RABEP1: variants seen among roughly 807,000 people sequenced by gnomAD.
The protein encoded by RABEP1 is rab GTPase-binding effector protein 1.
Under a neutral mutation model 123.4 loss-of-function variants are expected in RABEP1, and 51 were observed. The observed-to-expected ratio is 0.41, with a 90% CI of 0.33 to 0.52. RABEP1 has a LOEUF of 0.52. Ranked by LOEUF, RABEP1 falls within the 20% of genes least tolerant of loss-of-function variation. RABEP1 has a pLI of 0.16. For missense variants in RABEP1, 888 were observed against 996.3 expected, an observed-to-expected ratio of 0.89 and a Z score of 1.46; for synonymous variants, 347 against 355.2, an observed-to-expected ratio of 0.98 and a Z score of 0.26.
chr17:5,359,082 T>C (rs934417991), intron 8 of RABEP1, among the ~76,000 whole-genome samples: 2 of 151,260 alleles, frequency 1.3e-5, no homozygotes, highest in African/African-American at 4.9e-5. Context: ...TGTTTTCTTT[T>C]TTTTTTTTTG....
intron 1 of RABEP1, among the ~76,000 whole-genome samples, chr17:5,285,357 C>T (rs72634017): frequency 0.12 from 18,589 of 149,724 alleles, 1,867 homozygotes; most frequent in East Asian, 0.49. Flanking sequence ...TGGTCTTGAA[C>T]CCCTGGGCTC....
At chr17:5,323,772 A>ATCTAGGAATATATATATATT (rs1567522097) in intron 2 of RABEP1, among the ~76,000 whole-genome samples, 21 of 97,268 alleles carry the variant, frequency 2.2e-4, no homozygotes, top group Middle Eastern at 5.2e-3. Context: ...ATATATATAT[A>ATCTAGGAATATATATATATT]TCTAGGAATA....
rs2074931938 is a variant in RABEP1 at position 5,282,340 on chromosome 17, C to T, written c.-147C>T. On this transcript the variant is annotated 5_prime_UTR_variant, in exon 1 of 18. Coordinates refer to ENST00000537505, the MANE Select transcript of RABEP1 (RefSeq NM_004703.6). ...GGTCCGTCTCTGCCCGCGGCTGTGG[C>T]GGCGCCGGCGGATCCAGCCTTAGCG... 1.2e-5 allele frequency: 7 copies of T among 562,046 alleles called. No individual in the cohort carries two copies. Among genetic ancestry groups the T allele is most frequent in the East Asian group, 1.0e-4 (3 of 28,614 alleles). The allele number at this position is 562,046 out of a possible 1,614,324, so 34.8% of individuals were successfully genotyped here.
chr17:5,350,674 C>T (rs1174954765), intron 7 of RABEP1, 45 bp downstream of exon 7: 5 of 1,589,670 alleles, frequency 3.1e-6, no homozygotes, highest in South Asian at 1.1e-5. Context: ...CAGTAATGTC[C>T]CCCACCACAT....
At chr17:5,327,247 C>G (rs1906066652) in intron 2 of RABEP1, among the ~76,000 whole-genome samples, 1 of 151,594 alleles carries the variant, frequency 6.6e-6, no homozygotes, top group African/African-American at 2.4e-5. Context: ...ACTTGGGAGA[C>G]TGAGGCAGGA....
At chr17:5,283,522 A>G (rs1376036233) in intron 1 of RABEP1, among the ~76,000 whole-genome samples, 2 of 152,056 alleles carry the variant, frequency 1.3e-5, no homozygotes, top group Admixed American at 1.3e-4. Context: ...CCAAGGTCCC[A>G]CTGTATCTAG....
At chr17:5,341,587 A>T (rs1309799314) in intron 5 of RABEP1, among the ~76,000 whole-genome samples, 2 of 152,216 alleles carry the variant, frequency 1.3e-5, no homozygotes, top group East Asian at 3.8e-4. Flanking sequence ...AAAGAGAGAA[A>T]GCTCTCCAAC....
intron 17 of RABEP1, chr17:5,381,744 A>G (rs963397923): frequency 2.3e-6 from 1 of 431,432 alleles, no homozygotes; most frequent in East Asian, 5.0e-5. Flanking sequence ...TAAAGTACTG[A>G]CTCCTTAGCA....
chr17:5,339,999 A>G (rs536050637), intron 5 of RABEP1, among the ~76,000 whole-genome samples: 14 of 152,194 alleles, frequency 9.2e-5, no homozygotes, highest in Non-Finnish European at 1.6e-4. Flanking sequence ...ACTTGAATGC[A>G]CCTTACATAG....
At chr17:5,288,595 A>T (rs35855711) in intron 1 of RABEP1, among the ~76,000 whole-genome samples, 2,947 of 152,196 alleles carry the variant, frequency 0.019, 47 homozygotes, top group Non-Finnish European at 0.031. Flanking sequence ...AGGTTTCGCC[A>T]TGTTCGTCAG....
chr17:5,314,982 A>C (rs1783306465), intron 2 of RABEP1, among the ~76,000 whole-genome samples: 1 of 152,246 alleles, frequency 6.6e-6, no homozygotes, highest in South Asian at 2.1e-4. Context: ...ACAGAACAAA[A>C]GGCCATATAG....
chr17:5,286,019 A>G lies in RABEP1; in HGVS notation c.34+3499A>G, dbSNP rs192015712. 1.6e-3 allele frequency among the ~76,000 whole-genome samples: 242 copies of G among 152,346 alleles called. 1 individual carries two copies. Among genetic ancestry groups the G allele is most frequent in the Admixed American group, 5.4e-3 (82 of 15,300 alleles). On this transcript the variant is annotated intron_variant, in intron 1 of 17. Transcript: ENST00000537505. ...GGTACTCTTTTACTTCTGTAAGACT[A>G]GTGAATTAAATAAAGGGCATGAGTT...
At chr17:5,376,854 T>C (rs1207587563) in intron 13 of RABEP1, among the ~76,000 whole-genome samples, 1 of 152,228 alleles carries the variant, frequency 6.6e-6, no homozygotes, top group Non-Finnish European at 1.5e-5. Context: ...CTTAATCTTT[T>C]TATTTTTCTG....
At chr17:5,374,908 C>T (rs985026271) in intron 13 of RABEP1, among the ~76,000 whole-genome samples, 4 of 152,130 alleles carry the variant, frequency 2.6e-5, no homozygotes, top group East Asian at 1.9e-4. Flanking sequence ...TCCCAAAGTG[C>T]GGGGATTACA....
At chr17:5,311,926 CAG>C (rs1342065540) in intron 2 of RABEP1, among the ~76,000 whole-genome samples, 5 of 152,000 alleles carry the variant, frequency 3.3e-5, no homozygotes, top group Non-Finnish European at 1.5e-5. Context: ...TAAATAGAAA[CAG>C]AGTTTTATTA....
Position 5,363,017 on chromosome 17 carries a change from G to A in RABEP1, c.1668+1G>A. 6.2e-7 allele frequency: 1 copy of A among 1,606,826 alleles called. No homozygotes were observed. Among genetic ancestry groups the A allele is most frequent in the Non-Finnish European group, 8.5e-7 (1 of 1,173,406 alleles). On this transcript the variant is annotated splice_donor_variant, in intron 10 of 17. Coordinates refer to ENST00000537505, the MANE Select transcript of RABEP1 (RefSeq NM_004703.6). LOFTEE classifies it high-confidence loss of function. ...TCAGGAGGCTGAAACGAGAGACCAG[G>A]TGAGTTTCTTCTGGATGCGCCAAAT...
intron 5 of RABEP1, among the ~76,000 whole-genome samples, chr17:5,345,344 T>C (rs1253688122): frequency 3.9e-5 from 6 of 152,342 alleles, no homozygotes; most frequent in South Asian, 2.1e-4. Flanking sequence ...TACCCTCTCC[T>C]TGTCACCTGG....
intron 6 of RABEP1, 106 bp downstream of exon 6, chr17:5,347,031 G>C (rs1362913688): frequency 1.0e-6 from 1 of 975,914 alleles, no homozygotes; most frequent in Non-Finnish European, 1.4e-6. Flanking sequence ...CAACATGTTA[G>C]TGATTCAATT....
rs776742755 is a variant in RABEP1, at chr17:5,365,119, C to T, written c.1669-3C>T. On this transcript the variant is annotated splice_polypyrimidine_tract_variant and splice_region_variant and intron_variant, in intron 10 of 17. Transcript: ENST00000537505. ...TTTCTAATTGACTTTTAAAATGATA[C>T]AGGTGAAAAAACTACAGCTGATGCT... 5 of 1,567,578 alleles carry T rather than the reference C, an allele frequency of 3.2e-6. No homozygotes were observed. Among genetic ancestry groups the T allele is most frequent in the Non-Finnish European group, 2.6e-6 (3 of 1,158,294 alleles).
Sources: gnomAD v4.1 joint callset for allele counts (sites outside exome capture counted in the v4.1 genomes callset) on GRCh38, gnomAD v4.1.1 for gene constraint, MANE v1.5 for transcripts, NCBI Gene and HGNC (gene_info 2026-07-23, HGNC 2026-07-21) for gene names.